The following PTPRN2 variants were observed in gnomAD, a reference collection of about 807,000 sequenced individuals.
PTPRN2 encodes the protein receptor-type tyrosine-protein phosphatase N2.
Under a neutral mutation model 118.8 loss-of-function variants are expected in PTPRN2, and 74 were observed. The ratio of observed to expected loss-of-function variants is 0.62; its 90% CI spans 0.52 to 0.76. PTPRN2 has a LOEUF of 0.76. Ranked by LOEUF, PTPRN2 falls within the 30% of genes least tolerant of loss-of-function variation. The pLI, the probability that PTPRN2 is intolerant of heterozygous loss-of-function variation, is 0.00. For missense variants in PTPRN2, 1,481 were observed against 1,394.4 expected (o/e 1.06, Z -0.99); for synonymous variants, 641 against 608.0 (o/e 1.05, Z -0.80).
At chr7:158,148,003 T>A (rs1219227654) in intron 6 of PTPRN2, among the ~76,000 whole-genome samples, 393 of 12,018 alleles carry the variant, frequency 0.033, no homozygotes, top group Non-Finnish European at 0.045. Flanking sequence ...TCACGCCACG[T>A]GTCTTTCCCC....
At chr7:158,489,682 G>C (rs1340858391) in intron 2 of PTPRN2, 53 bp downstream of exon 2, 1 of 1,521,844 alleles carries the variant, frequency 6.6e-7, no homozygotes, top group South Asian at 1.2e-5. Flanking sequence ...CGCTGCGCAC[G>C]GCGGGCAGGA....
chr7:157,970,647 C>CCA lies in PTPRN2; in HGVS notation c.1724-71911_1724-71910insTG, dbSNP rs66974107. On this transcript the variant is annotated intron_variant, in intron 11 of 22. Transcript: ENST00000389418. ...CACGCTCAGAGCGGACCCCCCCCCC[C>CCA]ACAGGTTGCCCACCCCAGGGCAAGA... Among the ~76,000 whole-genome samples, 17 of 149,838 alleles carry CCA rather than the reference C, an allele frequency of 1.1e-4. 1 individual carries two copies. Among genetic ancestry groups the CCA allele is most frequent in the East Asian group, 2.0e-4 (1 of 5,018 alleles).
chr7:158,271,588 C>G (rs1798519307), intron 3 of PTPRN2, among the ~76,000 whole-genome samples: 1 of 152,196 alleles, frequency 6.6e-6, no homozygotes, highest in Admixed American at 6.5e-5. Context: ...TAGTTTGTGC[C>G]AAATTTTAAT....
intron 12 of PTPRN2, among the ~76,000 whole-genome samples, chr7:157,693,433 T>A (rs902280967): frequency 6.6e-6 from 1 of 151,978 alleles, no homozygotes; most frequent in Non-Finnish European, 1.5e-5. Flanking sequence ...CGGGGTAGGC[T>A]CGGGGAACGC....
intron 2 of PTPRN2, among the ~76,000 whole-genome samples, chr7:158,319,474 A>ACACACACAC (rs1256486494): frequency 1.8e-5 from 1 of 54,404 alleles, no homozygotes; most frequent in Non-Finnish European, 3.6e-5. Context: ...CCTCACACAC[A>ACACACACAC]AGCACAGCCT....
chr7:158,217,283 G>A (rs1179823027), intron 3 of PTPRN2, among the ~76,000 whole-genome samples: 1 of 152,178 alleles, frequency 6.6e-6, no homozygotes, highest in Non-Finnish European at 1.5e-5. Flanking sequence ...AGGGGCCAGA[G>A]GACAAAGCCA....
intron 11 of PTPRN2, among the ~76,000 whole-genome samples, chr7:157,946,822 C>T (rs959227992): frequency 6.6e-6 from 1 of 152,186 alleles, no homozygotes; most frequent in Non-Finnish European, 1.5e-5. Flanking sequence ...CTGAGAAGGG[C>T]GGAAGCCATG....
intron 6 of PTPRN2, among the ~76,000 whole-genome samples, chr7:158,149,059 A>ACGCCACGTGTCTTTCCCCC (rs1432696100): frequency 8.0e-6 from 1 of 124,332 alleles, no homozygotes. Context: ...ACCCCATCTC[A>ACGCCACGTGTCTTTCCCCC]TGCCACGTGT....
intron 12 of PTPRN2, among the ~76,000 whole-genome samples, chr7:157,685,749 T>G (rs1471756180): frequency 6.6e-6 from 1 of 152,122 alleles, no homozygotes; most frequent in Non-Finnish European, 1.5e-5. Context: ...AAGAAAAATG[T>G]CAAGGAGAGC....
At chr7:158,198,692 T>C (rs1826403239) in intron 4 of PTPRN2, among the ~76,000 whole-genome samples, 1 of 151,460 alleles carries the variant, frequency 6.6e-6, no homozygotes, top group African/African-American at 2.4e-5. Context: ...CTTAGCATGT[T>C]CTTCTCAGGT....
rs1159675575 is a variant in PTPRN2, at chr7:158,270,869, GC to G, written c.277+45949del. Reference sequence around the variant, plus strand: ...CCTGGACCGCCCCCCCACCTGGACCGCCCCCTCCACCTGGATGACCCCCTCC... The same window carrying G: ...CCTGGACCGCCCCCCCACCTGGACCGCCCCTCCACCTGGATGACCCCCTCC... On this transcript the variant is annotated intron_variant, in intron 3 of 22. Transcript: ENST00000389418. 4.7e-4 allele frequency among the ~76,000 whole-genome samples: 6 copies of G among 12,902 alleles called. No homozygotes were observed. The East Asian group carries it at 7.0e-3, about 15-fold the overall frequency. The allele number at this position is 12,902 out of a possible 152,430, so 8.5% of individuals were successfully genotyped here.
chr7:158,341,285 A>C (rs1379997441), intron 2 of PTPRN2, among the ~76,000 whole-genome samples: 16 of 151,600 alleles, frequency 1.1e-4, no homozygotes, highest in Admixed American at 5.3e-4. Context: ...CTCTCACCAT[A>C]AGAGCCGACG....
At chr7:158,389,717 G>A (rs1338351271) in intron 2 of PTPRN2, among the ~76,000 whole-genome samples, 2 of 152,262 alleles carry the variant, frequency 1.3e-5, no homozygotes, top group Non-Finnish European at 2.9e-5. Flanking sequence ...TGACAACACA[G>A]ATGCACGGAT....
At chr7:157,675,021 G>A (rs1796598219) in intron 13 of PTPRN2, among the ~76,000 whole-genome samples, 1 of 152,144 alleles carries the variant, frequency 6.6e-6, no homozygotes, top group African/African-American at 2.4e-5. Context: ...CCTTGGGTGG[G>A]ACTTGCCTCT....
intron 12 of PTPRN2, among the ~76,000 whole-genome samples, chr7:157,819,482 A>G (rs1198371134): frequency 6.6e-6 from 1 of 151,988 alleles, no homozygotes; most frequent in Non-Finnish European, 1.5e-5. Flanking sequence ...GCGCCTGAGC[A>G]CACACCGAGC....
intron 11 of PTPRN2, among the ~76,000 whole-genome samples, chr7:158,062,461 C>A (rs568984012): frequency 1.3e-5 from 2 of 152,346 alleles, no homozygotes; most frequent in Admixed American, 1.3e-4. Flanking sequence ...CCTTGGCGCC[C>A]ACTCTGGCCC....
Position 157,874,964 on chromosome 7 carries a change from T to C in PTPRN2, c.1788+23709A>G, listed in dbSNP as rs1563196848. On this transcript the variant is annotated intron_variant, in intron 12 of 22. Transcript: ENST00000389418. This position sits in a 1 kb window ranked among gnomAD's most constrained non-coding sequence, Gnocchi z 5.8. ...GTGCACGGAGACACACTTGTGCACA[T>C]ACACAGAGACACAGGCACACACAGG... Among the ~76,000 whole-genome samples, 1 of 150,998 alleles carries C rather than the reference T, an allele frequency of 6.6e-6. No homozygotes were observed. The highest frequency in any genetic ancestry group is 2.0e-4 in the East Asian group (1 of 5,082).
intron 9 of PTPRN2, among the ~76,000 whole-genome samples, chr7:158,123,625 C>T (rs1322169775): frequency 2.0e-5 from 3 of 152,170 alleles, no homozygotes; most frequent in Non-Finnish European, 2.9e-5. Context: ...TCCACACCAT[C>T]GACTCTTCCA....
intron 12 of PTPRN2, among the ~76,000 whole-genome samples, chr7:157,846,940 A>G (rs1808862956): frequency 6.9e-6 from 1 of 144,568 alleles, no homozygotes; most frequent in Admixed American, 6.8e-5. Flanking sequence ...GCCCTCTCTC[A>G]CTCCTTCATG....
Sources: gnomAD v4.1 joint callset for allele counts (sites outside exome capture counted in the v4.1 genomes callset) on GRCh38, gnomAD v4.1.1 for gene constraint, Gnocchi (gnomAD v3.1) non-coding constraint, MANE v1.5 for transcripts, NCBI Gene and HGNC (gene_info 2026-07-23, HGNC 2026-07-21) for gene names.